FAM83A: variants seen among roughly 807,000 people sequenced by gnomAD.
The protein encoded by FAM83A is protein FAM83A.
Under a neutral mutation model 24.4 loss-of-function variants are expected in FAM83A, and 21 were observed. That is an observed-to-expected ratio of 0.86 (90% CI 0.61 to 1.24). FAM83A has a LOEUF of 1.24. Ranked by LOEUF, FAM83A falls within the 50% of genes most tolerant of loss-of-function variation. The pLI, the probability that FAM83A is intolerant of heterozygous loss-of-function variation, is 0.00. For missense variants in FAM83A, 617 were observed against 579.8 expected, an observed-to-expected ratio of 1.06 and a Z score of -0.66; for synonymous variants, 270 against 252.4, an observed-to-expected ratio of 1.07 and a Z score of -0.66.
Position 123,208,321 on chromosome 8 carries a change from G to C in FAM83A, c.*633G>C, listed in dbSNP as rs1221073926. ...GAGCCATCTGAAGCTGTAGCCACCAGGGATGCAGCTAGCTGAGGAGTTTGG... is the reference window on the plus strand; with the variant it reads ...GAGCCATCTGAAGCTGTAGCCACCACGGATGCAGCTAGCTGAGGAGTTTGG... On this transcript the variant is annotated 3_prime_UTR_variant, in exon 4 of 4. Transcript: ENST00000690554. The C allele has an allele frequency of 5.1e-6, 5 of 985,622 alleles. No individual in the cohort carries two copies. In the East Asian group the frequency reaches 4.5e-4, roughly 90 times the overall value. 61.1% of individuals were successfully genotyped at this position (985,622 alleles called of 1,614,324 possible). A position where few individuals can be genotyped will look rare whatever the true frequency, so the allele number is the denominator to read the frequency against.
Position 123,203,613 on chromosome 8 carries a change from G to GA in FAM83A, c.774-3540dup, listed in dbSNP as rs1272891922. Among the ~76,000 whole-genome samples, 19 of 128,400 alleles carry GA rather than the reference G, an allele frequency of 1.5e-4. No homozygotes were observed. The South Asian group carries it at 1.5e-3, about 10-fold the overall frequency. The allele number at this position is 128,400 out of a possible 152,430, so 84.2% of individuals were successfully genotyped here. A position where few individuals can be genotyped will look rare whatever the true frequency, so the allele number is the denominator to read the frequency against. On this transcript the variant is annotated intron_variant, in intron 3 of 3. Coordinates refer to ENST00000690554, the Ensembl canonical transcript of FAM83A. ...AAAAAAAAAAAAAAAAAAAAAGTAA[G>GA]AAAAGAAAAGAAAAAAAGAAAGACA...
At chr8:123,208,863 C>T (rs752871147) in exon 4 of FAM83A, 125 of 952,724 alleles carry the variant, frequency 1.3e-4, no homozygotes, top group Non-Finnish European at 1.5e-4. Flanking sequence ...AAAAATTAGG[C>T]TGAGACAGGA....
In FAM83A at chr8:123,209,346, C is replaced by A. The variant is rs1824660094; in HGVS notation, c.*1658C>A. 2.8e-6 allele frequency: 4 copies of A among 1,453,078 alleles called. No individual in the cohort carries two copies. In the Admixed American group the frequency reaches 1.1e-4, roughly 38 times the overall value. 90.0% of individuals were successfully genotyped at this position (1,453,078 alleles called of 1,614,324 possible). The stretch of plus-strand genomic sequence containing the variant: ...CCACTGCTCCCAGCATGATCTGGGG[C>A]ATCTTGGCTTCTGGTTTCTTTTATT... On this transcript the variant is annotated 3_prime_UTR_variant, in exon 4 of 4. Transcript: ENST00000690554. This position sits in a 1 kb window ranked among gnomAD's most constrained non-coding sequence, Gnocchi z 4.7.
intron 3 of FAM83A, chr8:123,200,081 C>T (rs1187714186): frequency 2.6e-5 from 4 of 152,452 alleles, no homozygotes; most frequent in Admixed American, 2.0e-4. Context: ...AACTTCCCTA[C>T]GAAAGTAGAA....
intron 1 of FAM83A, among the ~76,000 whole-genome samples, chr8:123,189,609 C>A (rs776270494): frequency 5.3e-5 from 8 of 152,190 alleles, no homozygotes; most frequent in Non-Finnish European, 7.3e-5. Context: ...ATATCTGATG[C>A]CTCCTTTGGA....
intron 3 of FAM83A, 31 bp from the exon 4 acceptor site, chr8:123,207,126 C>T: frequency 7.0e-7 from 1 of 1,430,666 alleles, no homozygotes; most frequent in South Asian, 1.5e-5. Context: ...CCCCCTTCTC[C>T]TCCATCACTC....
At position 123,209,242 on chromosome 8, in the gene FAM83A, C is replaced by T. The variant is rs1824657342; in HGVS notation, c.*1554C>T. ...GGGACGAGAGCACAGAGCTCTTCCTCCTGGTGGCCTCTGACCCCTGACGGC... is the reference window on the plus strand; with the variant it reads ...GGGACGAGAGCACAGAGCTCTTCCTTCTGGTGGCCTCTGACCCCTGACGGC... On this transcript the variant is annotated 3_prime_UTR_variant, in exon 4 of 4. Transcript: ENST00000690554. The surrounding 1 kb of genome is among the most constrained non-coding windows in gnomAD (Gnocchi z 4.7). 1 of 1,252,262 alleles carries T rather than the reference C, an allele frequency of 8.0e-7. No individual in the cohort carries two copies. The highest frequency in any genetic ancestry group is 1.0e-6 in the Non-Finnish European group (1 of 1,004,286). 77.6% of individuals were successfully genotyped at this position (1,252,262 alleles called of 1,614,324 possible). A position where few individuals can be genotyped will look rare whatever the true frequency, so the allele number is the denominator to read the frequency against.
exon 4 of FAM83A, chr8:123,208,699 A>G (rs2131115391): frequency 2.0e-6 from 2 of 985,476 alleles, no homozygotes; most frequent in South Asian, 9.4e-5. Context: ...GGATGCTTAG[A>G]AAGCATACAG....
intron 1 of FAM83A, among the ~76,000 whole-genome samples, chr8:123,190,866 A>G (rs1301855168): frequency 1.3e-5 from 2 of 152,160 alleles, no homozygotes; most frequent in Non-Finnish European, 1.5e-5. Context: ...GGTTGCCAGC[A>G]GCCATTGCTT....
rs191855267 is a variant in FAM83A, at chr8:123,207,436, G to A, written c.1053G>A (p.Ala351=). The change falls in exon 4 of 4, where the codon GCG becomes GCA. Residue 351 remains alanine (A), a synonymous_variant. Transcript: ENST00000690554. ...ACCCCGGTACCCGAAGTGTGTCCGC[G>A]TCTTCAGGGCCCTGTAGCCCCGCGG... 2.5e-5 allele frequency: 40 copies of A among 1,607,426 alleles called. No individual in the cohort carries two copies. The South Asian group carries it at 4.0e-4, about 16-fold the overall frequency.
exon 4 of FAM83A, chr8:123,207,515 G>A (rs1306730877): frequency 6.4e-7 from 1 of 1,571,906 alleles, no homozygotes; most frequent in Non-Finnish European, 8.6e-7. Flanking sequence ...CCCTTGGGGA[G>A]CCCCGAGTCC....
At chr8:123,204,252 C>T (rs915680853) in intron 3 of FAM83A, among the ~76,000 whole-genome samples, 23 of 151,592 alleles carry the variant, frequency 1.5e-4, no homozygotes, top group African/African-American at 4.9e-4. Context: ...ATCTCTGCCC[C>T]CAAAAAAATT....
At chr8:123,190,115 C>A (rs910566199) in intron 1 of FAM83A, among the ~76,000 whole-genome samples, 1 of 149,458 alleles carries the variant, frequency 6.7e-6, no homozygotes, top group African/African-American at 2.5e-5. Flanking sequence ...TTGCTTAAGC[C>A]CAACAGTTCG....
chr8:123,186,489 G>A (rs1456004531), intron 1 of FAM83A, among the ~76,000 whole-genome samples: 1 of 152,200 alleles, frequency 6.6e-6, no homozygotes, highest in African/African-American at 2.4e-5. Flanking sequence ...AGCAGTTTCA[G>A]CTCTGGAAGA....
At chr8:123,206,019 T>A (rs1254661869) in intron 3 of FAM83A, among the ~76,000 whole-genome samples, 3 of 151,840 alleles carry the variant, frequency 2.0e-5, no homozygotes, top group African/African-American at 7.3e-5. Context: ...GGCGGGCGCC[T>A]GTAATCCCAG....
chr8:123,179,327 G>A (rs1823540040), upstream of FAM83A: 1 of 152,170 alleles, frequency 6.6e-6, no homozygotes, highest in African/African-American at 2.4e-5. Context: ...TTGTTAAAAT[G>A]AGTTCGGCCC....
Position 123,183,187 on chromosome 8 carries a change from G to T in FAM83A, c.331G>T (p.Glu111Ter). 1 of 1,613,642 alleles carries T rather than the reference G, an allele frequency of 6.2e-7. No homozygotes were observed. The highest frequency in any genetic ancestry group is 8.5e-7 in the Non-Finnish European group (1 of 1,180,012). ...CGGCACCTACTTCCCTGTGGCCTCA[G>T]AGGGCAGCGAGCCGGCCCTACTGCA... Residue 111 changes from glutamate (E) to a stop codon, truncating the protein, a stop_gained, in exon 1 of 4, where the codon GAG becomes TAG. Coordinates refer to ENST00000690554, the Ensembl canonical transcript of FAM83A. LOFTEE classifies it high-confidence loss of function.
chr8:123,199,155 A>C (rs1019146803), intron 3 of FAM83A, among the ~76,000 whole-genome samples: 2 of 152,232 alleles, frequency 1.3e-5, no homozygotes, highest in African/African-American at 4.8e-5. Context: ...TTGTAAAATT[A>C]AGTAAAACAG....
chr8:123,182,163 G>A (rs1299444295), upstream of FAM83A: 4 of 454,894 alleles, frequency 8.8e-6, no homozygotes, highest in African/African-American at 6.0e-5. Context: ...CTGCAAACAC[G>A]ACAATGACAA....
Sources: allele counts gnomAD v4.1 joint callset (sites outside exome capture counted in the v4.1 genomes callset), GRCh38; gene constraint gnomAD v4.1.1; non-coding constraint Gnocchi (gnomAD v3.1); transcripts MANE v1.5; gene names NCBI Gene and HGNC (gene_info 2026-07-23, HGNC 2026-07-21).